Variants in SLU7 observed in about 807,000 individuals in gnomAD.
The protein encoded by SLU7 is pre-mRNA-splicing factor SLU7.
A neutral mutation model predicts 87.0 loss-of-function variants in SLU7; 60 were observed. The ratio of observed to expected loss-of-function variants is 0.69; its 90% CI spans 0.56 to 0.86. The LOEUF (loss-of-function observed/expected upper bound fraction) is 0.86, where lower values mean the gene tolerates loss of function less well. Among genes scored for constraint, SLU7 ranks in the 40% least tolerant of loss-of-function variants. SLU7 has a pLI of 0.00. For missense variants in SLU7, 507 were observed against 686.6 expected, an observed-to-expected ratio of 0.74 and a Z score of 2.92; for synonymous variants, 197 against 222.0, an observed-to-expected ratio of 0.89 and a Z score of 1.00.
chr5:160,413,048 G>A (rs1765305227), intron 5 of SLU7, among the ~76,000 whole-genome samples: 1 of 152,044 alleles, frequency 6.6e-6, no homozygotes, highest in Admixed American at 6.6e-5. Flanking sequence ...AAAATTTTCT[G>A]AAACAAATTA....
intron 14 of SLU7, 105 bp downstream of exon 14, chr5:160,404,704 G>T: frequency 1.1e-6 from 1 of 921,604 alleles, no homozygotes. Context: ...GAGCCTGGGC[G>T]ACAGAATGAG....
chr5:160,416,870 C>T (rs1158409463), intron 1 of SLU7, among the ~76,000 whole-genome samples: 1 of 152,168 alleles, frequency 6.6e-6, no homozygotes, highest in Admixed American at 6.6e-5. Flanking sequence ...TTGAATTGTA[C>T]TCCTGTAATT....
chr5:160,412,471 C>T lies in SLU7; in HGVS notation c.619G>A (p.Gly207Arg). 6.5e-7 allele frequency: 1 copy of T among 1,546,026 alleles called. No individual in the cohort carries two copies. Residue 207 changes from glycine to arginine, a missense_variant, in exon 6 of 16, where the codon GGA becomes AGA. Transcript: ENST00000297151. ...CTTACAGCCTGTTCCACTAATTTTC[C>T]TGAGGCTAATTCCTCTTGGAGTTTC... ...AQKLQEELAS[G>R]KLVEQANSPK...
chr5:160,403,285 C>T lies in SLU7; in HGVS notation c.1761G>A (p.Ter587=), dbSNP rs753905435. 6.3e-7 allele frequency: 1 copy of T among 1,590,672 alleles called. No homozygotes were observed. Among genetic ancestry groups the T allele is most frequent in the Middle Eastern group, 1.7e-4 (1 of 5,994 alleles). Residue 587 remains the stop codon, a stop_retained_variant, in exon 16 of 16, where the codon TAG becomes TAA. Coordinates refer to ENST00000297151, the MANE Select transcript of SLU7 (RefSeq NM_006425.5). The part of the protein sequence containing the change: ...DDPMASFLGQ[*] Reference sequence around the variant, plus strand: ...TCTTGGATGGTCTTCTGACTAGTTGCTACTGTCCAAGGAAAGAGGCCATGG... The same window carrying T: ...TCTTGGATGGTCTTCTGACTAGTTGTTACTGTCCAAGGAAAGAGGCCATGG...
chr5:160,414,368 T>C lies in SLU7; in HGVS notation c.275A>G (p.Gln92Arg), dbSNP rs1053883365. The C allele has an allele frequency of 1.9e-6, 3 of 1,612,338 alleles. No individual in the cohort carries two copies. The highest frequency in any genetic ancestry group is 1.7e-5 in the Admixed American group (1 of 59,834). ...TTCTCCAGATGAGCTGAACTGCTTTTGTTTTTCTGGTTGTGGTCTCTGGTG... is the reference window on the plus strand; with the variant it reads ...TTCTCCAGATGAGCTGAACTGCTTTCGTTTTTCTGGTTGTGGTCTCTGGTG... ...LKHQRPQPEKQKQFSSSGEWY... is the reference protein window; with the variant it reads ...LKHQRPQPEKRKQFSSSGEWY... The change falls in exon 3 of 16, where the codon CAA becomes CGA. Residue 92 changes from glutamine (Q) to arginine (R), a missense_variant. Physicochemically the swap from Gln to Arg is conservative, Grantham distance 43. Coordinates refer to ENST00000297151, the MANE Select transcript of SLU7 (RefSeq NM_006425.5).
Position 160,404,894 on chromosome 5 carries a change from A to G in SLU7, c.1393-14T>C, listed in dbSNP as rs1482527086. On this transcript the variant is annotated splice_polypyrimidine_tract_variant and intron_variant, in intron 13 of 15. Transcript: ENST00000297151. ...CTCCTCAGAGTTCTGTGGGAAATAC[A>G]TGTAATTTGAGTTGAGTGTCATAGT... is the stretch of plus-strand genomic sequence containing the variant. The G allele has an allele frequency of 5.7e-6, 9 of 1,586,086 alleles. No homozygotes were observed. The highest frequency in any genetic ancestry group is 7.8e-6 in the Non-Finnish European group (9 of 1,154,866).
chr5:160,411,857 A>G (rs1222557484), intron 6 of SLU7, among the ~76,000 whole-genome samples: 1 of 152,178 alleles, frequency 6.6e-6, no homozygotes, highest in Non-Finnish European at 1.5e-5. Context: ...TAACTAATAC[A>G]TATTCATTGT....
At position 160,408,074 on chromosome 5, in the gene SLU7, A is replaced by G. The variant is rs1765079360; in HGVS notation, c.820-6T>C. 1 of 1,563,324 alleles carries G rather than the reference A, an allele frequency of 6.4e-7. No homozygotes were observed. The highest frequency in any genetic ancestry group is 8.8e-7 in the Non-Finnish European group (1 of 1,134,942). On this transcript the variant is annotated splice_region_variant and splice_polypyrimidine_tract_variant and intron_variant, in intron 8 of 15. Coordinates refer to ENST00000297151, the MANE Select transcript of SLU7 (RefSeq NM_006425.5). ...GGATCTAAATTCCTCAAATACTAGA[A>G]GAAAAAAATATTTAAAGAATTAATG...
At chr5:160,406,348 A>T (rs913738480) in intron 12 of SLU7, 120 bp downstream of exon 12, 412 of 616,928 alleles carry the variant, frequency 6.7e-4, no homozygotes, top group East Asian at 1.4e-3. Context: ...AACAGTTAAA[A>T]TTTTTTTTTT....
At chr5:160,413,799 C>G in intron 4 of SLU7, 100 bp downstream of exon 4, 1 of 992,700 alleles carries the variant, frequency 1.0e-6, no homozygotes, top group Non-Finnish European at 1.5e-6. Flanking sequence ...TAACTTGTAC[C>G]TAAATATAGG....
At chr5:160,413,656 T>C (rs775020577) in intron 4 of SLU7, 36 bp from the exon 5 acceptor site, 1 of 1,572,976 alleles carries the variant, frequency 6.4e-7, no homozygotes, top group South Asian at 1.2e-5. Flanking sequence ...TTTCCTAAGT[T>C]TTTATGGCCC....
chr5:160,411,393 A>T (rs1765229477), intron 6 of SLU7, among the ~76,000 whole-genome samples: 1 of 150,496 alleles, frequency 6.6e-6, no homozygotes, highest in Non-Finnish European at 1.5e-5. Context: ...TAATTTTTGT[A>T]TTTTTAGTAA....
intron 6 of SLU7, among the ~76,000 whole-genome samples, chr5:160,410,176 G>A (rs1309045544): frequency 1.3e-5 from 2 of 152,148 alleles, no homozygotes; most frequent in African/African-American, 4.8e-5. Context: ...GGACAAGAGA[G>A]ACCTGGAAAG....
Position 160,404,473 on chromosome 5 carries a change from A to G in SLU7, c.1548T>C (p.Asp516=), listed in dbSNP as rs1035256098. ...KKHRKSSSDS[D]DEEKKHEKLK... ...ATTTTTCATGCTTCTTTTCTTCATC[A>G]TCACTATCTGAACTGCTCTTTCGAT... Residue 516 remains aspartate, a synonymous_variant, in exon 15 of 16, where the codon GAT becomes GAC. Coordinates refer to ENST00000297151, the MANE Select transcript of SLU7 (RefSeq NM_006425.5). 5 of 1,604,326 alleles carry G rather than the reference A, an allele frequency of 3.1e-6. No individual in the cohort carries two copies. Among genetic ancestry groups the G allele is most frequent in the Non-Finnish European group, 3.4e-6 (4 of 1,175,170 alleles).
intron 6 of SLU7, among the ~76,000 whole-genome samples, chr5:160,410,200 T>C (rs550679803): frequency 1.5e-3 from 234 of 152,350 alleles, no homozygotes; most frequent in African/African-American, 5.4e-3. Flanking sequence ...TACTTCAAAA[T>C]GTTCACAATT....
At position 160,404,869 on chromosome 5, in the gene SLU7, C is replaced by T; in HGVS notation, c.1404G>A (p.Glu468=). Residue 468 remains glutamate (E), a synonymous_variant, in exon 14 of 16, where the codon GAG becomes GAA. Coordinates refer to ENST00000297151, the MANE Select transcript of SLU7 (RefSeq NM_006425.5). ...EAGKEIVNSE[E]CIINEITGEE... is the part of the protein sequence containing the mutation. ...CCCCAGTTATCTCATTTATAATACA[C>T]TCCTCAGAGTTCTGTGGGAAATACA... 6.2e-7 allele frequency: 1 copy of T among 1,607,974 alleles called. No homozygotes were observed. The highest frequency in any genetic ancestry group is 8.5e-7 in the Non-Finnish European group (1 of 1,174,418).
In SLU7 at chr5:160,406,528, T is replaced by C; in HGVS notation, c.1227A>G (p.Gly409=). The C allele has an allele frequency of 3.7e-6, 6 of 1,613,916 alleles. No individual in the cohort carries two copies. Among genetic ancestry groups the C allele is most frequent in the Non-Finnish European group, 5.1e-6 (6 of 1,179,894 alleles). ...EYSRHGTVIK[G]QERAVACSKY... is the part of the protein sequence containing the mutation. ...TAGAGCAGGCAACAGCCCGCTCCTGTCCTTTGATGACTGTCCCATGTCTTG... is the reference window on the plus strand; with the variant it reads ...TAGAGCAGGCAACAGCCCGCTCCTGCCCTTTGATGACTGTCCCATGTCTTG... The change falls in exon 12 of 16, where the codon GGA becomes GGG. Residue 409 remains glycine, a synonymous_variant. Coordinates refer to ENST00000297151, the MANE Select transcript of SLU7 (RefSeq NM_006425.5).
In SLU7 at chr5:160,412,530, A is replaced by AAAAAAG. The variant is rs1765283126; in HGVS notation, c.571-12_571-11insCTTTTT. The AAAAAAG allele has an allele frequency of 7.3e-7, 1 of 1,367,112 alleles. No homozygotes were observed. The highest frequency in any genetic ancestry group is 9.9e-7 in the Non-Finnish European group (1 of 1,007,760). The allele number at this position is 1,367,112 out of a possible 1,614,324, so 84.7% of individuals were successfully genotyped here. ...CAATGTTCGTTTTGCCTTTAAAAAA[A>AAAAAAG]AAAAAAAGAAAGAAAGAAAGAAAAA... On this transcript the variant is annotated splice_polypyrimidine_tract_variant and intron_variant, in intron 5 of 15. Coordinates refer to ENST00000297151, the MANE Select transcript of SLU7 (RefSeq NM_006425.5).
At position 160,403,185 on chromosome 5, in the gene SLU7, C is replaced by A; in HGVS notation, c.*100G>T. The A allele has an allele frequency of 1.1e-6, 1 of 882,358 alleles. No individual in the cohort carries two copies. Among genetic ancestry groups the A allele is most frequent in the South Asian group, 2.3e-5 (1 of 44,116 alleles). The allele number at this position is 882,358 out of a possible 1,614,324, so 54.7% of individuals were successfully genotyped here. ...TGAAATATTTATTAAAGCCAGGCAG[C>A]AAGAAGAATAAACAAGGATTTTTCT... On this transcript the variant is annotated 3_prime_UTR_variant, in exon 16 of 16. Transcript: ENST00000297151.
Sources: allele counts gnomAD v4.1 joint callset (sites outside exome capture counted in the v4.1 genomes callset), GRCh38; gene constraint gnomAD v4.1.1; transcripts MANE v1.5; gene names NCBI Gene and HGNC (gene_info 2026-07-23, HGNC 2026-07-21).